Variants in SNRPN observed in about 807,000 individuals in gnomAD.
SNRPN encodes small nuclear ribonucleoprotein-associated protein N.
In SNRPN, 7 loss-of-function variants were observed where a neutral mutation model predicts 25.2. The ratio of observed to expected loss-of-function variants is 0.28; its 90% CI spans 0.16 to 0.52. The LOEUF (loss-of-function observed/expected upper bound fraction) is 0.52, where lower values mean the gene tolerates loss of function less well. Among genes scored for constraint, SNRPN ranks in the 20% least tolerant of loss-of-function variants. The pLI is 0.96. For missense variants in SNRPN, 196 were observed against 322.5 expected (o/e 0.61, Z 3.00); for synonymous variants, 124 against 110.6 (o/e 1.12, Z -0.76).
At chr15:24,934,114 A>G (rs1004009821) in intron 3 of SNRPN, among the ~76,000 whole-genome samples, 3 of 152,074 alleles carry the variant, frequency 2.0e-5, no homozygotes, top group Non-Finnish European at 2.9e-5. Flanking sequence ...CCTGGCCAAC[A>G]TGGTGAAACC....
chr15:24,906,036 C>G (rs920046416), intron 2 of SNRPN, among the ~76,000 whole-genome samples: 1 of 152,126 alleles, frequency 6.6e-6, no homozygotes, highest in Non-Finnish European at 1.5e-5. Context: ...AAAATAATAT[C>G]AAATGTAGTT....
chr15:24,898,216 C>A (rs1022024300), intron 2 of SNRPN, among the ~76,000 whole-genome samples: 7 of 152,130 alleles, frequency 4.6e-5, no homozygotes, highest in African/African-American at 1.7e-4. Flanking sequence ...AGCAAAAATG[C>A]AAGCTTTTTA....
intron 1 of SNRPN, among the ~76,000 whole-genome samples, chr15:24,860,848 T>TA (rs2053924338): frequency 1.3e-5 from 2 of 152,192 alleles, no homozygotes; most frequent in South Asian, 4.1e-4. Context: ...CCATATATTA[T>TA]AAAATGTAAT....
intron 3 of SNRPN, among the ~76,000 whole-genome samples, chr15:24,923,054 T>C (rs908140031): frequency 1.8e-4 from 28 of 152,136 alleles, no homozygotes; most frequent in South Asian, 6.2e-4. Context: ...TACAGGCACC[T>C]GCCACCACAC....
upstream of SNRPN, among the ~76,000 whole-genome samples, chr15:24,855,791 CAAAAA>C (rs56081812): frequency 4.2e-5 from 3 of 71,990 alleles, no homozygotes; most frequent in Non-Finnish European, 5.1e-5. Context: ...GAATCTGTCT[CAAAAA>C]AAAAAAAAAA....
chr15:24,964,965 G>A (rs192952660), intron 2 of SNRPN, among the ~76,000 whole-genome samples: 4 of 152,220 alleles, frequency 2.6e-5, no homozygotes. Context: ...TCTTGAGTTG[G>A]GGGAATGATC....
At chr15:24,930,533 C>T (rs1447068486) in intron 3 of SNRPN, among the ~76,000 whole-genome samples, 2 of 144,894 alleles carry the variant, frequency 1.4e-5, no homozygotes, top group Admixed American at 1.5e-4. Flanking sequence ...ATCACCTGAG[C>T]TCAGGAATTT....
intron 1 of SNRPN, among the ~76,000 whole-genome samples, chr15:24,884,982 GT>G (rs574100935): frequency 7.0e-4 from 107 of 152,156 alleles, no homozygotes; most frequent in Non-Finnish European, 1.4e-3. Flanking sequence ...TTGTATTTAA[GT>G]TTTTTTTATG....
intron 2 of SNRPN, among the ~76,000 whole-genome samples, chr15:24,832,338 A>G (rs929078572): frequency 7.9e-5 from 12 of 152,060 alleles, no homozygotes; most frequent in Admixed American, 2.6e-4. Flanking sequence ...GTGCATTTCA[A>G]CCATTGCTAC....
intron 1 of SNRPN, among the ~76,000 whole-genome samples, chr15:24,886,071 A>G (rs1411560192): frequency 6.6e-6 from 1 of 152,138 alleles, no homozygotes; most frequent in African/African-American, 2.4e-5. Context: ...AGGCTCCGGA[A>G]CGTTCTCTTA....
At chr15:24,969,409 G>A (rs1231712271) in intron 3 of SNRPN, among the ~76,000 whole-genome samples, 2 of 152,144 alleles carry the variant, frequency 1.3e-5, no homozygotes, top group South Asian at 2.1e-4. Flanking sequence ...GATTACAGGC[G>A]TGACCTACCG....
chr15:24,962,052 C>A, intron 1 of SNRPN, 62 bp from the exon 2 acceptor site: 1 of 1,320,546 alleles, frequency 7.6e-7, no homozygotes, highest in East Asian at 2.3e-5. Context: ...ATAACCTTGA[C>A]AAATAGTTAT....
Position 24,977,912 on chromosome 15 carries a change from T to C in SNRPN, c.555T>C (p.Pro185=), listed in dbSNP as rs1302728297. The C allele has an allele frequency of 6.4e-7, 1 of 1,561,950 alleles. No homozygotes were observed. The highest frequency in any genetic ancestry group is 1.4e-5 in the African/African-American group (1 of 73,016). ...CACCCGTCGGCAGAGCAACCCCACC[T>C]CCAGGTAAGGGATTGGTGAACACGA... ...PPPPVGRATP[P]PGIMAPPPGM... The change falls in exon 8 of 10, where the codon CCT becomes CCC. Residue 185 remains proline, a synonymous_variant. Coordinates refer to ENST00000390687, the MANE Select transcript of SNRPN (RefSeq NM_003097.6).
chr15:24,842,379 A>T (rs563494382), intron 2 of SNRPN, among the ~76,000 whole-genome samples: 1 of 152,286 alleles, frequency 6.6e-6, no homozygotes, highest in East Asian at 1.9e-4. Flanking sequence ...AGTAAGTTAA[A>T]GGATGCACAT....
intron 2 of SNRPN, among the ~76,000 whole-genome samples, chr15:24,910,420 C>T (rs67374713): frequency 0.096 from 14,545 of 152,030 alleles, 893 homozygotes; most frequent in African/African-American, 0.17. Context: ...GAGGTCGAGG[C>T]GGCAGTGAGC....
intron 4 of SNRPN, 93 bp from the exon 5 acceptor site, chr15:24,975,265 C>A (rs1394890605): frequency 1.5e-5 from 15 of 989,206 alleles, no homozygotes; most frequent in Non-Finnish European, 2.0e-5. Flanking sequence ...GGAAACCAGG[C>A]TTAGATTATG....
intron 3 of SNRPN, among the ~76,000 whole-genome samples, chr15:24,973,883 G>C (rs1251198689): frequency 2.6e-5 from 4 of 151,952 alleles, no homozygotes. Context: ...GCGAATTTAG[G>C]GGAAGAAAGA....
chr15:24,883,887 T>C, intron 1 of SNRPN, among the ~76,000 whole-genome samples: 1 of 151,526 alleles, frequency 6.6e-6, no homozygotes, highest in Non-Finnish European at 1.5e-5. Flanking sequence ...ATGCCTGTAG[T>C]CTCAGCTACT....
At chr15:24,905,977 A>G (rs1331915220) in intron 2 of SNRPN, among the ~76,000 whole-genome samples, 5 of 152,238 alleles carry the variant, frequency 3.3e-5, no homozygotes, top group Non-Finnish European at 5.9e-5. Flanking sequence ...ATCACCCATT[A>G]CAAGGTTAAC....
Sources: allele counts gnomAD v4.1 joint callset (sites outside exome capture counted in the v4.1 genomes callset), GRCh38; gene constraint gnomAD v4.1.1; transcripts MANE v1.5; gene names NCBI Gene and HGNC (gene_info 2026-07-23, HGNC 2026-07-21).